The following B3GAT2 variants were observed in gnomAD, a reference collection of about 807,000 sequenced individuals.
The protein encoded by B3GAT2 is beta-1,3-glucuronyltransferase 2, also known as galactosylgalactosylxylosylprotein 3-beta-glucuronosyltransferase 2.
A neutral mutation model predicts 27.8 loss-of-function variants in B3GAT2; 26 were observed. The observed-to-expected ratio is 0.93, with a 90% confidence interval of 0.68 to 1.30. The LOEUF (loss-of-function observed/expected upper bound fraction) is 1.30, where lower values mean the gene tolerates loss of function less well. Ranked by LOEUF, B3GAT2 falls within the 50% of genes most tolerant of loss-of-function variation. The probability of loss-of-function intolerance (pLI) is 0.00; values close to 1 mark genes in which losing one functional copy is unlikely to be tolerated. For missense variants in B3GAT2, 458 were observed against 459.0 expected (o/e 1.00, Z 0.02); for synonymous variants, 218 against 195.1 (o/e 1.12, Z -0.98).
chr6:70,898,524 T>C (rs1168979131), intron 1 of B3GAT2, among the ~76,000 whole-genome samples: 1 of 152,198 alleles, frequency 6.6e-6, no homozygotes, highest in Admixed American at 6.5e-5. Context: ...ACCTAATACA[T>C]ACTTTTAAAA....
rs1365042720 is a variant in B3GAT2, at chr6:70,858,174, C to G, written c.*3489G>C. 1 of 1,613,862 alleles carries G rather than the reference C, an allele frequency of 6.2e-7. No homozygotes were observed. Among genetic ancestry groups the G allele is most frequent in the Admixed American group, 1.7e-5 (1 of 60,002 alleles). On this transcript the variant is annotated 3_prime_UTR_variant, in exon 4 of 4. Transcript: ENST00000230053. ...GGAATGGTGGGACAAATGGGTGCAC[C>G]CCAGAGTAAGTTTGGCCTGCCGCAA...
intron 1 of B3GAT2, among the ~76,000 whole-genome samples, chr6:70,953,869 T>C (rs1387571637): frequency 1.3e-5 from 2 of 152,174 alleles, no homozygotes; most frequent in South Asian, 2.1e-4. Flanking sequence ...AAAAACCTAC[T>C]GGAATTTTCT....
chr6:70,931,972 C>T (rs996463370), intron 1 of B3GAT2, among the ~76,000 whole-genome samples: 71 of 152,050 alleles, frequency 4.7e-4, no homozygotes, highest in African/African-American at 1.5e-3. Context: ...AGAGATATTT[C>T]CCCAAAGAAG....
chr6:70,902,665 C>CACACAT (rs1477897669), intron 1 of B3GAT2, among the ~76,000 whole-genome samples: 1 of 105,736 alleles, frequency 9.5e-6, no homozygotes, highest in African/African-American at 3.1e-5. Flanking sequence ...CACACACACA[C>CACACAT]ATATATATAT....
chr6:70,943,643 A>T (rs1765427064), intron 1 of B3GAT2, among the ~76,000 whole-genome samples: 1 of 152,200 alleles, frequency 6.6e-6, no homozygotes, highest in Non-Finnish European at 1.5e-5. Flanking sequence ...CTTATTCACA[A>T]GAATACGTAG....
chr6:70,908,165 A>C (rs527326514), intron 1 of B3GAT2, among the ~76,000 whole-genome samples: 1 of 152,356 alleles, frequency 6.6e-6, no homozygotes, highest in South Asian at 2.1e-4. Context: ...TACGTAAATA[A>C]ACCTAAGGCA....
intron 2 of B3GAT2, among the ~76,000 whole-genome samples, chr6:70,882,404 G>A (rs959932376): frequency 6.6e-6 from 1 of 152,142 alleles, no homozygotes; most frequent in Non-Finnish European, 1.5e-5. Context: ...AGGAGGCTGA[G>A]GCAGGAGAAA....
At chr6:70,874,859 C>T (rs1469848732) in intron 2 of B3GAT2, among the ~76,000 whole-genome samples, 1 of 152,104 alleles carries the variant, frequency 6.6e-6, no homozygotes, top group Non-Finnish European at 1.5e-5. Flanking sequence ...TTCTGCCCTT[C>T]TAGTAACTGC....
chr6:70,941,188 C>G (rs1462799040), intron 1 of B3GAT2, among the ~76,000 whole-genome samples: 1 of 152,114 alleles, frequency 6.6e-6, no homozygotes, highest in East Asian at 1.9e-4. Context: ...TCCTCCTCCC[C>G]CTAGGCCTCT....
Position 70,956,771 on chromosome 6 carries a change from C to G in B3GAT2, c.-342G>C. 4 of 1,171,466 alleles carry G rather than the reference C, an allele frequency of 3.4e-6. No individual in the cohort carries two copies. Among genetic ancestry groups the G allele is most frequent in the Non-Finnish European group, 4.2e-6 (4 of 946,728 alleles). 72.6% of individuals were successfully genotyped at this position (1,171,466 alleles called of 1,614,324 possible). ...GAAAGGCGCTGATCCCCACCGCGCTCTTTCTGAAGAGTGGAAGCCGAGAAG... is the reference window on the plus strand; with the variant it reads ...GAAAGGCGCTGATCCCCACCGCGCTGTTTCTGAAGAGTGGAAGCCGAGAAG... On this transcript the variant is annotated 5_prime_UTR_variant, in exon 1 of 4. Transcript: ENST00000230053.
chr6:70,862,855 T>A (rs1771784864), intron 2 of B3GAT2, among the ~76,000 whole-genome samples: 2 of 152,128 alleles, frequency 1.3e-5, no homozygotes, highest in African/African-American at 2.4e-5. Context: ...TGCGTGCCTG[T>A]AGTCCCAGCT....
chr6:70,896,257 C>A (rs542220375), intron 1 of B3GAT2, among the ~76,000 whole-genome samples: 6 of 152,140 alleles, frequency 3.9e-5, no homozygotes, highest in Non-Finnish European at 8.8e-5. Flanking sequence ...TGCCTGATGT[C>A]ATTTCCCCTT....
Position 70,940,491 on chromosome 6 carries a change from C to CA in B3GAT2, c.591+15347dup, listed in dbSNP as rs113695081. Among the ~76,000 whole-genome samples, 437 of 149,936 alleles carry CA rather than the reference C, an allele frequency of 2.9e-3. 1 individual carries two copies. Among genetic ancestry groups the CA allele is most frequent in the Non-Finnish European group, 3.6e-3 (239 of 67,324 alleles). ...AAAATACTGCTTCTAATCATGTGCT[C>CA]AAAAAAAAAATCTATTTCGTGCCCT... On this transcript the variant is annotated intron_variant, in intron 1 of 3. Coordinates refer to ENST00000230053, the MANE Select transcript of B3GAT2 (RefSeq NM_080742.3).
Position 70,860,089 on chromosome 6 carries a change from T to G in B3GAT2, c.*1574A>C, listed in dbSNP as rs757803644. 72 of 1,221,478 alleles carry G rather than the reference T, an allele frequency of 5.9e-5. No homozygotes were observed. Among genetic ancestry groups the G allele is most frequent in the Non-Finnish European group, 7.8e-5 (70 of 893,786 alleles). The allele number at this position is 1,221,478 out of a possible 1,614,324, so 75.7% of individuals were successfully genotyped here. ...GTATGGTACTCTGTTTTTATTCCAG[T>G]GCTTGGACTAGTTGTCACATTAATG... On this transcript the variant is annotated 3_prime_UTR_variant, in exon 4 of 4. Coordinates refer to ENST00000230053, the MANE Select transcript of B3GAT2 (RefSeq NM_080742.3).
At chr6:70,894,055 T>C in intron 2 of B3GAT2, 73 bp downstream of exon 2, 2 of 1,399,454 alleles carry the variant, frequency 1.4e-6, no homozygotes, top group Non-Finnish European at 1.9e-6. Flanking sequence ...GCTTCCTTCA[T>C]CTAGTGCATC....
intron 1 of B3GAT2, among the ~76,000 whole-genome samples, chr6:70,934,651 C>T (rs1562233568): frequency 6.6e-6 from 1 of 152,130 alleles, no homozygotes; most frequent in Middle Eastern, 3.4e-3. Context: ...GTCAGATCAC[C>T]ATGTAATTTT....
rs16869513 is a variant in B3GAT2 at position 70,858,338 on chromosome 6, G to T, written c.*3325C>A. The T allele has an allele frequency of 1.1e-6, 1 of 919,910 alleles. No homozygotes were observed. Among genetic ancestry groups the T allele is most frequent in the Non-Finnish European group, 1.5e-6 (1 of 664,112 alleles). 57.0% of individuals were successfully genotyped at this position (919,910 alleles called of 1,614,324 possible). ...TTTAAGTCTAGTGATCTGGCAGAAA[G>T]AATTCAATAGGGATAATATGTTATA... On this transcript the variant is annotated 3_prime_UTR_variant, in exon 4 of 4. Transcript: ENST00000230053.
chr6:70,930,220 A>G (rs1181006643), intron 1 of B3GAT2, among the ~76,000 whole-genome samples: 2 of 152,244 alleles, frequency 1.3e-5, no homozygotes, highest in Non-Finnish European at 2.9e-5. Context: ...TAAATGTAAG[A>G]CCTAAAACCA....
In B3GAT2 at chr6:70,955,992, C is replaced by T. The variant is rs1326623527; in HGVS notation, c.438G>A (p.Arg146=). Residue 146 remains arginine, a synonymous_variant, in exon 1 of 4, where the codon CGG becomes CGA. Transcript: ENST00000230053. ...PSTHLHVPTP[R]RYKRPGLPRA... ...GCGGCAGCCCGGGCCGCTTGTAGCG[C>T]CGCGGCGTGGGCACGTGCAGGTGAG... 4 of 1,456,808 alleles carry T rather than the reference C, an allele frequency of 2.7e-6. No homozygotes were observed. The highest frequency in any genetic ancestry group is 3.6e-6 in the Non-Finnish European group (4 of 1,113,916). The allele number at this position is 1,456,808 out of a possible 1,614,324, so 90.2% of individuals were successfully genotyped here.
Sources: allele counts gnomAD v4.1 joint callset (sites outside exome capture counted in the v4.1 genomes callset), GRCh38; gene constraint gnomAD v4.1.1; transcripts MANE v1.5; gene names NCBI Gene and HGNC (gene_info 2026-07-23, HGNC 2026-07-21).